The following PEX10 variants were observed in gnomAD, a reference collection of about 807,000 sequenced individuals.
PEX10 encodes the protein peroxisomal biogenesis factor 10, also known as peroxisome biogenesis factor 10.
A neutral mutation model predicts 38.0 loss-of-function variants in PEX10; 32 were observed. The ratio of observed to expected loss-of-function variants is 0.84; its 90% CI spans 0.63 to 1.13. PEX10 has a LOEUF of 1.13. Among genes scored for constraint, PEX10 ranks in the 50% most tolerant of loss-of-function variants. The probability of loss-of-function intolerance (pLI) is 0.00; values close to 1 mark genes in which losing one functional copy is unlikely to be tolerated. For missense variants in PEX10, 483 were observed against 457.7 expected (o/e 1.06, Z -0.51); for synonymous variants, 206 against 207.3 (o/e 0.99, Z 0.05).
Position 2,404,162 on chromosome 1 carries a change from C to G in PEX10, c.*1604G>C, listed in dbSNP as rs958964630. ...CTCTCCTCCTGGGCCCCGGGCTGCG[C>G]AGGCTCCTCACTCTGGGCGGTGTTT... On this transcript the variant is annotated 3_prime_UTR_variant, in exon 6 of 6. Transcript: ENST00000447513. 6.6e-6 allele frequency: 1 copy of G among 152,304 alleles called. No individual in the cohort carries two copies. Among genetic ancestry groups the G allele is most frequent in the African/African-American group, 2.4e-5 (1 of 41,464 alleles). The allele number at this position is 152,304 out of a possible 1,614,324, so 9.4% of individuals were successfully genotyped here.
At position 2,412,490 on chromosome 1, in the gene PEX10, C is replaced by A; in HGVS notation, c.13G>T (p.Ala5Ser). 1 of 1,372,296 alleles carries A rather than the reference C, an allele frequency of 7.3e-7. No individual in the cohort carries two copies. The highest frequency in any genetic ancestry group is 1.5e-5 in the African/African-American group (1 of 65,954). 85.0% of individuals were successfully genotyped at this position (1,372,296 alleles called of 1,614,324 possible). A position where few individuals can be genotyped will look rare whatever the true frequency, so the allele number is the denominator to read the frequency against. ...CGGATCACCTCCGGGGGGCTGGCGG[C>A]GGCCGGGGCCATGGCCGCGGGTTCG... The part of the protein sequence containing the change: MAPA[A>S]ASPPEVIRAA... Residue 5 changes from alanine to serine, a missense_variant, in exon 1 of 6, where the codon GCC (alanine) becomes TCC (serine). Physicochemically the swap from Ala to Ser is moderately conservative, Grantham distance 99 (BLOSUM62 1). Coordinates refer to ENST00000447513, the MANE Select transcript of PEX10 (RefSeq NM_002617.4).
intron 5 of PEX10, among the ~76,000 whole-genome samples, chr1:2,406,210 T>C (rs1257846913): frequency 6.6e-6 from 1 of 152,168 alleles, no homozygotes; most frequent in African/African-American, 2.4e-5. Flanking sequence ...AGGAAGGGTG[T>C]GCTGGGATGC....
chr1:2,412,529 A>C lies in PEX10; in HGVS notation c.-27T>G. ...GCCGCGGGTTCGGGTGGTCCCGAGC[A>C]GCCACGCCGGCCACGCCCACGCCCA... On this transcript the variant is annotated 5_prime_UTR_variant, in exon 1 of 6. Coordinates refer to ENST00000447513, the MANE Select transcript of PEX10 (RefSeq NM_002617.4). 1 of 1,318,674 alleles carries C rather than the reference A, an allele frequency of 7.6e-7. No homozygotes were observed. The highest frequency in any genetic ancestry group is 1.5e-5 in the African/African-American group (1 of 64,592). 81.7% of individuals were successfully genotyped at this position (1,318,674 alleles called of 1,614,324 possible).
chr1:2,412,672 G>C (rs1193608408), upstream of PEX10: 1 of 443,796 alleles, frequency 2.3e-6, no homozygotes, highest in African/African-American at 2.1e-5. Context: ...CCGGGCGGAA[G>C]CGGGGCTGGA....
chr1:2,408,557 G>A lies in PEX10; in HGVS notation c.495C>T (p.Phe165=), dbSNP rs150344828. Residue 165 remains phenylalanine, a synonymous_variant, in exon 3 of 6, where the codon TTC becomes TTT. Transcript: ENST00000447513. ...QQRRALLRAV[F]VLRQGLACLQ... ...GGCAGGCGAGGCCCTGTCTGAGGAC[G>A]AAGACCGCCCGCAGCAGCGCCCTCC... 2.7e-4 allele frequency: 441 copies of A among 1,612,420 alleles called. No homozygotes were observed. The African/African-American group carries it at 4.1e-3, about 15-fold the overall frequency.
At chr1:2,413,740 G>C (rs368827705), upstream of PEX10, 13 of 152,560 alleles carry the variant, frequency 8.5e-5, 1 homozygote, top group African/African-American at 3.1e-4. Flanking sequence ...CCTCAGTGGG[G>C]AGGGCCTCCA....
intron 5 of PEX10, among the ~76,000 whole-genome samples, chr1:2,406,056 G>A (rs543652305): frequency 5.8e-4 from 88 of 152,302 alleles, no homozygotes; most frequent in African/African-American, 1.9e-3. Flanking sequence ...TGTGGGGCTC[G>A]GCCGGGAGGT....
At chr1:2,407,847 G>C (rs58178170) in intron 3 of PEX10, among the ~76,000 whole-genome samples, 1 of 152,304 alleles carries the variant, frequency 6.6e-6, no homozygotes, top group African/African-American at 2.4e-5. Context: ...TGGTGGGCCA[G>C]GGACTAACGC....
chr1:2,410,313 T>C lies in PEX10; in HGVS notation c.193+58A>G, dbSNP rs1643143948. 23 of 1,468,534 alleles carry C rather than the reference T, an allele frequency of 1.6e-5. No homozygotes were observed. In the South Asian group the frequency reaches 2.6e-4, roughly 17 times the overall value. The allele number at this position is 1,468,534 out of a possible 1,614,324, so 91.0% of individuals were successfully genotyped here. ...CTGCCTGGCAGCCCCCTGGCCACCG[T>C]CCCCAGACTTGGTGTGTGTGGCTGC... On this transcript the variant is annotated intron_variant, in intron 2 of 5. Coordinates refer to ENST00000447513, the MANE Select transcript of PEX10 (RefSeq NM_002617.4). The surrounding 1 kb of genome is among the most constrained non-coding windows in gnomAD (Gnocchi z 5.1).
In PEX10 at chr1:2,412,449, G is replaced by T; in HGVS notation, c.54C>A (p.Asp18Glu). The T allele has an allele frequency of 7.0e-7, 1 of 1,428,638 alleles. No homozygotes were observed. 88.5% of individuals were successfully genotyped at this position (1,428,638 alleles called of 1,614,324 possible). The change falls in exon 1 of 6, where the codon GAC (aspartate) becomes GAA (glutamate). Residue 18 changes from aspartate to glutamate, a missense_variant. Coordinates refer to ENST00000447513, the MANE Select transcript of PEX10 (RefSeq NM_002617.4). The stretch of plus-strand genomic sequence containing the variant: ...TCCGCAGCCCACCGCGGTAGTACTC[G>T]TCCTTCTGCGCCGCGCGGATCACCT... ...PPEVIRAAQK[D>E]EYYRGGLRSA...
chr1:2,412,376 G>T lies in PEX10; in HGVS notation c.112+15C>A, dbSNP rs1028590508. 1.8e-5 allele frequency: 24 copies of T among 1,360,886 alleles called. No homozygotes were observed. Among genetic ancestry groups the T allele is most frequent in the African/African-American group, 4.6e-5 (3 of 64,998 alleles). 84.3% of individuals were successfully genotyped at this position (1,360,886 alleles called of 1,614,324 possible). A position where few individuals can be genotyped will look rare whatever the true frequency, so the allele number is the denominator to read the frequency against. ...GGGCCGCTCGCGAGGACGTCCGGCCGCGCCCGGCCCTCACCCGCCAGGCTG... is the reference window on the plus strand; with the variant it reads ...GGGCCGCTCGCGAGGACGTCCGGCCTCGCCCGGCCCTCACCCGCCAGGCTG... On this transcript the variant is annotated intron_variant, in intron 1 of 5. Coordinates refer to ENST00000447513, the MANE Select transcript of PEX10 (RefSeq NM_002617.4).
chr1:2,410,488 T>A lies in PEX10; in HGVS notation c.113-37A>T, dbSNP rs767000685. On this transcript the variant is annotated intron_variant, in intron 1 of 5. Coordinates refer to ENST00000447513, the MANE Select transcript of PEX10 (RefSeq NM_002617.4). The surrounding 1 kb of genome is among the most constrained non-coding windows in gnomAD (Gnocchi z 5.1). ...AACAGTATTAGTCCGGGGGAGCTGGTGGGCATCCTCTGAGGATGAGGGACC... is the reference window on the plus strand; with the variant it reads ...AACAGTATTAGTCCGGGGGAGCTGGAGGGCATCCTCTGAGGATGAGGGACC... 2 of 1,591,326 alleles carry A rather than the reference T, an allele frequency of 1.3e-6. No individual in the cohort carries two copies. The highest frequency in any genetic ancestry group is 1.7e-4 in the Middle Eastern group (1 of 6,008).
In PEX10 at chr1:2,406,842, C is replaced by T. The variant is rs769600472; in HGVS notation, c.654G>A (p.Arg218=). The T allele has an allele frequency of 6.2e-7, 1 of 1,610,780 alleles. No homozygotes were observed. The highest frequency in any genetic ancestry group is 8.5e-7 in the Non-Finnish European group (1 of 1,178,866). ...GCAGCAGTGAGATGACCCCCAGCAGCCTGTAGCTAACACGGGCCCTCAGGT... is the reference window on the plus strand; with the variant it reads ...GCAGCAGTGAGATGACCCCCAGCAGTCTGTAGCTAACACGGGCCCTCAGGT... ...GEDLRARVSY[R]LLGVISLLHL... Residue 218 remains arginine (R), a synonymous_variant, in exon 4 of 6, where the codon AGG becomes AGA. Coordinates refer to ENST00000447513, the MANE Select transcript of PEX10 (RefSeq NM_002617.4).
intron 4 of PEX10, 35 bp from the exon 5 acceptor site, chr1:2,406,654 C>T (rs1371244474): frequency 1.2e-6 from 2 of 1,612,424 alleles, no homozygotes; most frequent in Non-Finnish European, 1.7e-6. Context: ...AAGGTGGGTG[C>T]ACCTTACAGG....
In PEX10 at chr1:2,405,835, C is replaced by A; in HGVS notation, c.913-1G>T. The A allele has an allele frequency of 6.3e-7, 1 of 1,591,346 alleles. No homozygotes were observed. Among genetic ancestry groups the A allele is most frequent in the Non-Finnish European group, 8.5e-7 (1 of 1,169,792 alleles). ...TCTCCCGGCAGAGGGGACACTCCGCCTGCGGAGAGGAGAAAGGGGGTCACA... is the reference window on the plus strand; with the variant it reads ...TCTCCCGGCAGAGGGGACACTCCGCATGCGGAGAGGAGAAAGGGGGTCACA... On this transcript the variant is annotated splice_acceptor_variant, in intron 5 of 5. Coordinates refer to ENST00000447513, the MANE Select transcript of PEX10 (RefSeq NM_002617.4). LOFTEE classifies it high-confidence loss of function.
In PEX10 at chr1:2,408,557, G is replaced by C; in HGVS notation, c.495C>G (p.Phe165Leu). The change falls in exon 3 of 6, where the codon TTC (phenylalanine) becomes TTG (leucine). Residue 165 changes from phenylalanine (F) to leucine (L), a missense_variant. Coordinates refer to ENST00000447513, the MANE Select transcript of PEX10 (RefSeq NM_002617.4). ...QQRRALLRAV[F>L]VLRQGLACLQ... The stretch of plus-strand genomic sequence containing the variant: ...GGCAGGCGAGGCCCTGTCTGAGGAC[G>C]AAGACCGCCCGCAGCAGCGCCCTCC... 1 of 1,612,420 alleles carries C rather than the reference G, an allele frequency of 6.2e-7. No individual in the cohort carries two copies. Among genetic ancestry groups the C allele is most frequent in the Non-Finnish European group, 8.5e-7 (1 of 1,179,994 alleles).
At chr1:2,406,021 G>A (rs557862367) in intron 5 of PEX10, among the ~76,000 whole-genome samples, 187 bp from the exon 6 acceptor site, 34 of 152,340 alleles carry the variant, frequency 2.2e-4, no homozygotes, top group Non-Finnish European at 4.3e-4. Flanking sequence ...GGGCTGGGGC[G>A]GGGCTGGGGG....
rs1643019159 is a variant in PEX10, at chr1:2,406,751, A to C, written c.745T>G (p.Trp249Gly). The C allele has an allele frequency of 6.2e-7, 1 of 1,609,234 alleles. No homozygotes were observed. Among genetic ancestry groups the C allele is most frequent in the African/African-American group, 1.3e-5 (1 of 74,710 alleles). The change falls in exon 4 of 6, where the codon TGG becomes GGG. Residue 249 changes from tryptophan to glycine, a missense_variant. Physicochemically the swap from Trp to Gly is radical, Grantham distance 184. Coordinates refer to ENST00000447513, the MANE Select transcript of PEX10 (RefSeq NM_002617.4). ...FRQRQRARKE[W>G]RLHRGLSHRR... is the part of the protein sequence containing the mutation. ...TGAGACAGGCCGCGGTGCAGCCTCCACTCCTTCCTGGCTCGCTGCCGCTGC... is the reference window on the plus strand; with the variant it reads ...TGAGACAGGCCGCGGTGCAGCCTCCCCTCCTTCCTGGCTCGCTGCCGCTGC...
intron 2 of PEX10, 79 bp from the exon 3 acceptor site, chr1:2,408,937 C>A: frequency 1.4e-6 from 2 of 1,391,072 alleles, no homozygotes; most frequent in South Asian, 1.2e-5. Context: ...GCCAGCCGAC[C>A]CTCTGCTGGC....
Sources: allele counts gnomAD v4.1 joint callset (sites outside exome capture counted in the v4.1 genomes callset), GRCh38; gene constraint gnomAD v4.1.1; non-coding constraint Gnocchi (gnomAD v3.1); transcripts MANE v1.5; gene names NCBI Gene and HGNC (gene_info 2026-07-23, HGNC 2026-07-21).